Variants in SIN3B observed in about 807,000 individuals in gnomAD.
SIN3B encodes SIN3 transcription regulator family member B, also known as paired amphipathic helix protein Sin3b.
Under a neutral mutation model 120.2 loss-of-function variants are expected in SIN3B, and 19 were observed. That is an observed-to-expected ratio of 0.16 (90% CI 0.11 to 0.23). The LOEUF (loss-of-function observed/expected upper bound fraction) is 0.23, where lower values mean the gene tolerates loss of function less well. SIN3B is among the 10% of genes least tolerant of loss of function. The probability of loss-of-function intolerance (pLI) is 1.00; values close to 1 mark genes in which losing one functional copy is unlikely to be tolerated. For synonymous variants in SIN3B, 654 were observed against 653.2 expected (o/e 1.00, Z -0.02); for missense variants, 1,073 against 1,573.0 (o/e 0.68, Z 5.38).
Position 16,848,775 on chromosome 19 carries a change from A to T in SIN3B, c.726+1662A>T, listed in dbSNP as rs185344457. Among the ~76,000 whole-genome samples the T allele has an allele frequency of 4.4e-3, 676 of 152,346 alleles. 4 individuals carry two copies. Among genetic ancestry groups the T allele is most frequent in the Middle Eastern group, 0.01 (3 of 294 alleles). ...CTCAGTCTCCCAAAGTGCTGGGATT[A>T]CAGGTGTGAGCCACTGCGCCCGGCC... On this transcript the variant is annotated intron_variant, in intron 5 of 18. Coordinates refer to ENST00000248054, the MANE Select transcript of SIN3B (RefSeq NM_001297595.2).
At chr19:16,843,021 G>A (rs114446043) in intron 4 of SIN3B, among the ~76,000 whole-genome samples, 232 of 152,336 alleles carry the variant, frequency 1.5e-3, no homozygotes, top group African/African-American at 5.2e-3. Flanking sequence ...CATCTGTGTC[G>A]TGAGTGGGGC....
intron 1 of SIN3B, 122 bp downstream of exon 1, chr19:16,829,662 A>T: frequency 1.5e-6 from 1 of 681,900 alleles, no homozygotes; most frequent in Non-Finnish European, 2.0e-6. Context: ...ACTGCCCCGG[A>T]CCCCTCACCC....
intron 8 of SIN3B, among the ~76,000 whole-genome samples, chr19:16,859,671 A>G (rs906726606): frequency 1.3e-5 from 2 of 152,212 alleles, no homozygotes; most frequent in African/African-American, 4.8e-5. Context: ...GTCTCAGCCA[A>G]AACGGGGACT....
intron 4 of SIN3B, among the ~76,000 whole-genome samples, chr19:16,843,005 G>A (rs780778839): frequency 1.3e-5 from 2 of 152,214 alleles, no homozygotes; most frequent in East Asian, 1.9e-4. Context: ...GGCTGGTGGC[G>A]AGGGACATCT....
intron 8 of SIN3B, among the ~76,000 whole-genome samples, chr19:16,857,553 G>GTGTGTATATA (rs66778532): frequency 1.4e-5 from 2 of 139,446 alleles, no homozygotes; most frequent in African/African-American, 5.3e-5. Context: ...GTGTGTGTGT[G>GTGTGTATATA]TATATATACA....
At position 16,851,473 on chromosome 19, in the gene SIN3B, C is replaced by T. The variant is rs752875974; in HGVS notation, c.788C>T (p.Pro263Leu). The change falls in exon 6 of 19, where the codon CCG (proline) becomes CTG (leucine). Residue 263 changes from proline (P) to leucine (L), a missense_variant. Physicochemically the swap from Pro to Leu is moderately conservative, Grantham distance 98. This residue lies in a region of SIN3B where 395 missense variants were observed against 528.0 expected (regional missense o/e 0.75). Coordinates refer to ENST00000248054, the MANE Select transcript of SIN3B (RefSeq NM_001297595.2). The stretch of plus-strand genomic sequence containing the variant: ...CAGAAGAACGAGCACGACAAGACCC[C>T]GGAGCACAGCAGGAAGCGCTCCCGG... ...SVQKNEHDKT[P>L]EHSRKRSRPS... 31 of 1,609,984 alleles carry T rather than the reference C, an allele frequency of 1.9e-5. No homozygotes were observed. Among genetic ancestry groups the T allele is most frequent in the South Asian group, 3.3e-5 (3 of 90,176 alleles).
Position 16,862,514 on chromosome 19 carries a change from C to G in SIN3B, c.1221C>G (p.Thr407=). 1 of 1,614,064 alleles carries G rather than the reference C, an allele frequency of 6.2e-7. No individual in the cohort carries two copies. Among genetic ancestry groups the G allele is most frequent in the Non-Finnish European group, 8.5e-7 (1 of 1,180,032 alleles). The change falls in exon 9 of 19, where the codon ACC becomes ACG. Residue 407 remains threonine (T), a synonymous_variant. Transcript: ENST00000248054. This position sits in a 1 kb window ranked among gnomAD's most constrained non-coding sequence, Gnocchi z 4.7. ...IGSSYRALPK[T]YQQPKCSGRT... ...CCAGCTACCGGGCACTCCCCAAAAC[C>G]TACCAGCAGCCCAAGTGCAGTGGGA...
chr19:16,860,609 T>G (rs1461926296), intron 8 of SIN3B, among the ~76,000 whole-genome samples: 1 of 149,042 alleles, frequency 6.7e-6, no homozygotes, highest in Admixed American at 6.6e-5. Context: ...TTTTTTTTTT[T>G]TTTTTTTTTG....
chr19:16,845,425 C>G (rs1971466884), intron 4 of SIN3B, among the ~76,000 whole-genome samples: 1 of 151,248 alleles, frequency 6.6e-6, no homozygotes, highest in African/African-American at 2.4e-5. Context: ...GGCACGCGCC[C>G]CCACACCCGG....
intron 4 of SIN3B, among the ~76,000 whole-genome samples, chr19:16,843,840 A>G (rs567641202): frequency 1.0e-5 from 1 of 95,894 alleles, no homozygotes; most frequent in East Asian, 2.9e-4. Context: ...CGGCATCGGC[A>G]CAGTTTCTTT....
intron 8 of SIN3B, among the ~76,000 whole-genome samples, chr19:16,856,580 T>C (rs1971617279): frequency 6.6e-6 from 1 of 152,072 alleles, no homozygotes; most frequent in South Asian, 2.1e-4. Flanking sequence ...TGAAGATTTT[T>C]TTTTTTTTCA....
chr19:16,834,761 C>G (rs1971323598), intron 3 of SIN3B, among the ~76,000 whole-genome samples: 1 of 152,044 alleles, frequency 6.6e-6, no homozygotes, highest in Non-Finnish European at 1.5e-5. Context: ...AGGACAGAAA[C>G]ATGAGAGATA....
intron 2 of SIN3B, 85 bp downstream of exon 2, chr19:16,829,982 T>A (rs1971259050): frequency 3.4e-6 from 3 of 882,614 alleles, no homozygotes; most frequent in Non-Finnish European, 5.7e-6. Flanking sequence ...CTCTCCAGCC[T>A]GCCCCCTTAG....
chr19:16,840,772 T>C (rs1377998086), intron 3 of SIN3B, among the ~76,000 whole-genome samples: 1 of 152,192 alleles, frequency 6.6e-6, no homozygotes, highest in African/African-American at 2.4e-5. Context: ...TTCTGGGCAC[T>C]GGGGATACAG....
At position 16,865,661 on chromosome 19, in the gene SIN3B, G is replaced by T. The variant is rs549355080; in HGVS notation, c.1622+13G>T. On this transcript the variant is annotated intron_variant, in intron 11 of 18. Coordinates refer to ENST00000248054, the MANE Select transcript of SIN3B (RefSeq NM_001297595.2). ...TTGTCCTGAAAAGGTGCCCTGTGGC[G>T]TCCCGACTTCCCTTCCCCTTCCCCT... 6.4e-7 allele frequency: 1 copy of T among 1,557,514 alleles called. No homozygotes were observed. The highest frequency in any genetic ancestry group is 2.3e-5 in the East Asian group (1 of 43,346).
chr19:16,832,370 G>C (rs527244400), intron 3 of SIN3B, among the ~76,000 whole-genome samples: 1 of 151,230 alleles, frequency 6.6e-6, no homozygotes, highest in African/African-American at 2.4e-5. Context: ...GCTAATTTTT[G>C]TATTTTTAGT....
intron 5 of SIN3B, among the ~76,000 whole-genome samples, chr19:16,847,638 C>T (rs1971495802): frequency 6.6e-6 from 1 of 152,176 alleles, no homozygotes; most frequent in Non-Finnish European, 1.5e-5. Context: ...GGGCTCAGGG[C>T]TCACCCTGCA....
intron 4 of SIN3B, among the ~76,000 whole-genome samples, chr19:16,845,639 G>A (rs1361825836): frequency 2.0e-5 from 3 of 152,232 alleles, no homozygotes; most frequent in African/African-American, 7.2e-5. Context: ...TCTTCTGTCT[G>A]TGTAGTCAGA....
intron 3 of SIN3B, among the ~76,000 whole-genome samples, chr19:16,833,556 T>C (rs62128030): frequency 0.65 from 96,927 of 150,272 alleles, 32,068 homozygotes; most frequent in African/African-American, 0.78. Context: ...TGCTTGAACC[T>C]GGGAGGCGGA....
Sources: gnomAD v4.1 joint callset for allele counts (sites outside exome capture counted in the v4.1 genomes callset) on GRCh38, gnomAD v4.1.1 for gene constraint, gnomAD v4.1.1 regional missense constraint, Gnocchi (gnomAD v3.1) non-coding constraint, MANE v1.5 for transcripts, NCBI Gene and HGNC (gene_info 2026-07-23, HGNC 2026-07-21) for gene names.